Variants in UNC5D observed in about 807,000 individuals in gnomAD.
UNC5D encodes netrin receptor UNC5D.
UNC5D carries 39 observed loss-of-function variants against 105.4 expected under a neutral mutation model. The ratio of observed to expected loss-of-function variants is 0.37; its 90% CI spans 0.29 to 0.48. The LOEUF (loss-of-function observed/expected upper bound fraction) is 0.48, where lower values mean the gene tolerates loss of function less well. Among genes scored for constraint, UNC5D ranks in the 20% least tolerant of loss-of-function variants. The pLI is 0.98. For synonymous variants in UNC5D, 452 were observed against 450.4 expected, an observed-to-expected ratio of 1.00 and a Z score of -0.04; for missense variants, 991 against 1,202.4, an observed-to-expected ratio of 0.82 and a Z score of 2.60.
intron 1 of UNC5D, among the ~76,000 whole-genome samples, chr8:35,267,884 C>A (rs192879971): frequency 2.6e-4 from 40 of 152,054 alleles, no homozygotes; most frequent in Admixed American, 1.2e-3. Flanking sequence ...TCTGTGGTGG[C>A]AAGTGAGTAT....
chr8:35,375,654 G>A (rs1585698831), intron 1 of UNC5D, among the ~76,000 whole-genome samples: 1 of 152,086 alleles, frequency 6.6e-6, no homozygotes, highest in Admixed American at 6.6e-5. Flanking sequence ...TTGAGAGAAA[G>A]CAATAGAATA....
chr8:35,761,694 G>A (rs922686980), intron 14 of UNC5D, among the ~76,000 whole-genome samples: 2 of 152,136 alleles, frequency 1.3e-5, no homozygotes, highest in South Asian at 2.1e-4. Flanking sequence ...TACCCCAAAT[G>A]GCTTTCCGCT....
chr8:35,731,034 C>A lies in UNC5D; in HGVS notation c.1704C>A (p.His568Gln). ...PNTGVSLLIP[H>Q]GAIPEENSWE... ...TAGGGGTGAGCTTACTCATACCACA[C>A]GGTGCCATCCCAGAGGAGAATTCTT... The change falls in exon 11 of 17, where the codon CAC becomes CAA. Residue 568 changes from histidine (H) to glutamine (Q), a missense_variant. His to Gln is a conservative substitution (Grantham distance 24). Around this residue, in one of 3 missense-constraint regions of UNC5D, gnomAD observed 944 missense variants for 1,131.6 expected, o/e 0.83. Transcript: ENST00000404895. 1 of 1,613,802 alleles carries A rather than the reference C, an allele frequency of 6.2e-7. No individual in the cohort carries two copies. Among genetic ancestry groups the A allele is most frequent in the Non-Finnish European group, 8.5e-7 (1 of 1,179,838 alleles).
At chr8:35,746,938 T>C (rs1430013683) in intron 11 of UNC5D, among the ~76,000 whole-genome samples, 1 of 152,148 alleles carries the variant, frequency 6.6e-6, no homozygotes, top group African/African-American at 2.4e-5. Flanking sequence ...CCCCAAACCT[T>C]GAGTATGTTA....
chr8:35,576,589 G>A (rs1255114694), intron 3 of UNC5D, among the ~76,000 whole-genome samples: 1 of 152,004 alleles, frequency 6.6e-6, no homozygotes, highest in Admixed American at 6.6e-5. Context: ...GTGAGATATG[G>A]ACTAACAGAG....
intron 4 of UNC5D, among the ~76,000 whole-genome samples, chr8:35,682,954 C>T (rs1263406414): frequency 6.6e-6 from 1 of 152,144 alleles, no homozygotes; most frequent in Non-Finnish European, 1.5e-5. Context: ...GGAGGAGTAA[C>T]GTAAATGATC....
chr8:35,776,342 T>C (rs1014099192), intron 16 of UNC5D, among the ~76,000 whole-genome samples: 50 of 152,244 alleles, frequency 3.3e-4, no homozygotes, highest in Non-Finnish European at 1.8e-4. Flanking sequence ...TGTGTGCCCA[T>C]AGATGCTGTA....
chr8:35,235,848 G>C lies in UNC5D; in HGVS notation c.64G>C (p.Gly22Arg). 1.6e-6 allele frequency: 2 copies of C among 1,230,600 alleles called. No individual in the cohort carries two copies. The highest frequency in any genetic ancestry group is 1.0e-6 in the Non-Finnish European group (1 of 986,956). 76.2% of individuals were successfully genotyped at this position (1,230,600 alleles called of 1,614,324 possible). ...GGCGCGCCGCTGGCTCCCGTGGCTG[G>C]GGCTGTGCTTCTGGGCGGCAGGGAC... ...GGARRWLPWL[G>R]LCFWAAGTAA... The change falls in exon 1 of 17, where the codon GGG (glycine) becomes CGG (arginine). Residue 22 changes from glycine (G) to arginine (R), a missense_variant. Gly to Arg is a moderately radical substitution (Grantham distance 125). Coordinates refer to ENST00000404895, the MANE Select transcript of UNC5D (RefSeq NM_080872.4).
At chr8:35,764,092 G>T (rs897383874) in intron 14 of UNC5D, among the ~76,000 whole-genome samples, 3 of 152,158 alleles carry the variant, frequency 2.0e-5, no homozygotes, top group African/African-American at 7.2e-5. Flanking sequence ...ATGTAGTAGA[G>T]CTTGAAGGCA....
chr8:35,695,106 G>A (rs1826669175), intron 7 of UNC5D, among the ~76,000 whole-genome samples: 1 of 152,130 alleles, frequency 6.6e-6, no homozygotes, highest in South Asian at 2.1e-4. Flanking sequence ...TTTTTGAGCA[G>A]TAATTTGAGA....
chr8:35,504,853 C>T lies in UNC5D; in HGVS notation c.104-44439C>T, dbSNP rs114936847. Among the ~76,000 whole-genome samples, 296 of 152,254 alleles carry T rather than the reference C, an allele frequency of 1.9e-3. 4 individuals carry two copies. Among genetic ancestry groups the T allele is most frequent in the African/African-American group, 6.8e-3 (281 of 41,530 alleles). On this transcript the variant is annotated intron_variant, in intron 1 of 16. Coordinates refer to ENST00000404895, the MANE Select transcript of UNC5D (RefSeq NM_080872.4). ...CTCATGGTGAAACAGAATCCACCCTCCCCTCTTACCATATGGCTCCCTGTG... is the reference window on the plus strand; with the variant it reads ...CTCATGGTGAAACAGAATCCACCCTTCCCTCTTACCATATGGCTCCCTGTG...
At chr8:35,391,746 G>C in intron 1 of UNC5D, among the ~76,000 whole-genome samples, 1 of 152,128 alleles carries the variant, frequency 6.6e-6, no homozygotes, top group East Asian at 1.9e-4. Context: ...AGTGATTTGG[G>C]GGCAAGTCTC....
chr8:35,724,280 G>A (rs1037637209), intron 9 of UNC5D: 18 of 1,534,434 alleles, frequency 1.2e-5, no homozygotes, highest in Non-Finnish European at 1.6e-5. Context: ...AATGATACAA[G>A]AAAAATCCTT....
intron 1 of UNC5D, among the ~76,000 whole-genome samples, chr8:35,412,199 G>C (rs535008130): frequency 6.6e-6 from 1 of 151,946 alleles, no homozygotes; most frequent in African/African-American, 2.4e-5. Context: ...GGTTCCCTGA[G>C]CTCCTGCCTT....
intron 1 of UNC5D, among the ~76,000 whole-genome samples, chr8:35,366,336 CT>C (rs953028990): frequency 1.3e-5 from 2 of 152,066 alleles, no homozygotes; most frequent in African/African-American, 4.8e-5. Context: ...GCCACATGGT[CT>C]TGTGCATGCA....
chr8:35,725,791 C>CT (rs1016025412), intron 9 of UNC5D, among the ~76,000 whole-genome samples: 8 of 152,166 alleles, frequency 5.3e-5, no homozygotes, highest in African/African-American at 1.9e-4. Flanking sequence ...TCTCCCCCCT[C>CT]TTTTTTTGTT....
chr8:35,507,141 C>T (rs1166626694), intron 1 of UNC5D, among the ~76,000 whole-genome samples: 3 of 147,160 alleles, frequency 2.0e-5, no homozygotes, highest in African/African-American at 5.1e-5. Context: ...CTGCAAGCTC[C>T]GCCTCCCGGG....
intron 1 of UNC5D, among the ~76,000 whole-genome samples, chr8:35,367,650 G>A (rs577678309): frequency 5.9e-5 from 9 of 151,272 alleles, no homozygotes; most frequent in African/African-American, 2.2e-4. Flanking sequence ...TATAAAAATA[G>A]CAAAGTCAAA....
Position 35,790,941 on chromosome 8 carries a change from G to A in UNC5D, c.*378G>A. 1 of 215,256 alleles carries A rather than the reference G, an allele frequency of 4.6e-6. No individual in the cohort carries two copies. The highest frequency in any genetic ancestry group is 9.4e-6 in the Non-Finnish European group (1 of 105,834). 13.3% of individuals were successfully genotyped at this position (215,256 alleles called of 1,614,324 possible). ...AGGTTTTTAATGATGTGCCCCAAAG[G>A]GCCAGCTGATTCTGGTACTAGATTG... On this transcript the variant is annotated 3_prime_UTR_variant, in exon 17 of 17. Coordinates refer to ENST00000404895, the MANE Select transcript of UNC5D (RefSeq NM_080872.4).
Sources: allele counts gnomAD v4.1 joint callset (sites outside exome capture counted in the v4.1 genomes callset), GRCh38; gene constraint gnomAD v4.1.1; regional missense constraint gnomAD v4.1.1; transcripts MANE v1.5; gene names NCBI Gene and HGNC (gene_info 2026-07-23, HGNC 2026-07-21).